WWOX: variants seen among roughly 807,000 people sequenced by gnomAD.
WWOX encodes the protein WW domain containing oxidoreductase, also known as WW domain-containing oxidoreductase.
A neutral mutation model predicts 46.2 loss-of-function variants in WWOX; 69 were observed. The observed-to-expected ratio is 1.49, with a 90% CI of 1.23 to 1.82. The LOEUF is 1.82. WWOX is among the 40% of genes most tolerant of loss of function. The probability of loss-of-function intolerance (pLI) is 0.00; values close to 1 mark genes in which losing one functional copy is unlikely to be tolerated. For synonymous variants in WWOX, 359 were observed against 202.6 expected (o/e 1.77, Z -6.56); for missense variants, 919 against 542.6 (o/e 1.69, Z -6.89).
chr16:79,026,522 A>G (rs1291780159), intron 8 of WWOX, among the ~76,000 whole-genome samples: 3 of 151,260 alleles, frequency 2.0e-5, no homozygotes, highest in Non-Finnish European at 2.9e-5. Flanking sequence ...TCTGCTCCAG[A>G]CAATGATCTC....
chr16:79,050,483 C>G (rs1042040056), intron 8 of WWOX, among the ~76,000 whole-genome samples: 1 of 152,222 alleles, frequency 6.6e-6, no homozygotes, highest in East Asian at 1.9e-4. Context: ...ATACCCATTC[C>G]TCTGTCACAC....
At position 78,929,491 on chromosome 16, in the gene WWOX, G is replaced by GA. The variant is rs1000376020; in HGVS notation, c.1057-282108dup. 1.4e-3 allele frequency among the ~76,000 whole-genome samples: 212 copies of GA among 150,630 alleles called. 1 individual carries two copies. The highest frequency in any genetic ancestry group is 3.1e-3 in the African/African-American group (126 of 41,108). On this transcript the variant is annotated intron_variant, in intron 8 of 8. Coordinates refer to ENST00000566780, the MANE Select transcript of WWOX (RefSeq NM_016373.4). ...AATCTATTTCCAATGCTAAGGAGAG[G>GA]AAAAAAAAATACTGGCACCGTATCC...
chr16:78,736,845 A>G lies in WWOX; in HGVS notation c.1056+304093A>G, dbSNP rs1013291066. Among the ~76,000 whole-genome samples the G allele has an allele frequency of 2.6e-5, 4 of 152,164 alleles. No individual in the cohort carries two copies. In the South Asian group the frequency reaches 8.3e-4, roughly 32 times the overall value. ...GCTGGTCTCAAACTCCTGGGCTCATACAATTCCCCTGCCTCAGAATCCCAA... is the reference window on the plus strand; with the variant it reads ...GCTGGTCTCAAACTCCTGGGCTCATGCAATTCCCCTGCCTCAGAATCCCAA... On this transcript the variant is annotated intron_variant, in intron 8 of 8. Transcript: ENST00000566780.
chr16:78,201,713 A>G (rs1443134429), intron 5 of WWOX, among the ~76,000 whole-genome samples: 2 of 143,954 alleles, frequency 1.4e-5, no homozygotes, highest in Non-Finnish European at 3.1e-5. Context: ...TTATTTATTT[A>G]TTGTTTGAGA....
intron 8 of WWOX, among the ~76,000 whole-genome samples, chr16:78,594,870 A>G (rs1434818011): frequency 1.3e-5 from 2 of 152,162 alleles, no homozygotes; most frequent in Non-Finnish European, 2.9e-5. Context: ...CTCATTGTTT[A>G]TTTAAATAGC....
At chr16:78,268,774 T>G (rs1301779030) in intron 5 of WWOX, among the ~76,000 whole-genome samples, 1 of 152,192 alleles carries the variant, frequency 6.6e-6, no homozygotes, top group Non-Finnish European at 1.5e-5. Flanking sequence ...CACATAAGCC[T>G]TCATGTTGTT....
chr16:78,656,819 G>C (rs8057865), intron 8 of WWOX, among the ~76,000 whole-genome samples: 32,784 of 152,010 alleles, frequency 0.22, 3,617 homozygotes, highest in Non-Finnish European at 0.22. Context: ...TGACACAGAA[G>C]ACTGGTGAGT....
At chr16:78,629,885 C>T (rs992878889) in intron 8 of WWOX, among the ~76,000 whole-genome samples, 2 of 152,138 alleles carry the variant, frequency 1.3e-5, no homozygotes, top group Non-Finnish European at 2.9e-5. Flanking sequence ...AGAAAATTAT[C>T]TAAGAAGTAG....
chr16:78,324,822 TG>T (rs1456746687), intron 5 of WWOX, among the ~76,000 whole-genome samples: 3 of 151,888 alleles, frequency 2.0e-5, no homozygotes, highest in African/African-American at 7.3e-5. Flanking sequence ...GAGGTGAAGG[TG>T]ATGAAAATGT....
intron 8 of WWOX, among the ~76,000 whole-genome samples, chr16:78,622,960 C>G (rs540076814): frequency 2.2e-4 from 34 of 152,168 alleles, no homozygotes; most frequent in African/African-American, 6.7e-4. Flanking sequence ...CTGCATTTGG[C>G]TTCTAGGAGC....
intron 8 of WWOX, among the ~76,000 whole-genome samples, chr16:78,457,862 G>C (rs1352624529): frequency 6.9e-6 from 1 of 145,860 alleles, no homozygotes; most frequent in African/African-American, 2.6e-5. Context: ...CTTTCAGTGA[G>C]CCAAGATCGC....
chr16:78,481,859 C>T (rs994365241), intron 8 of WWOX, among the ~76,000 whole-genome samples: 1 of 136,242 alleles, frequency 7.3e-6, no homozygotes, highest in African/African-American at 2.5e-5. Flanking sequence ...TTCTATTAAT[C>T]TTCTTGGGGC....
At chr16:78,907,971 G>A (rs1412889498) in intron 8 of WWOX, among the ~76,000 whole-genome samples, 2 of 152,178 alleles carry the variant, frequency 1.3e-5, no homozygotes, top group Non-Finnish European at 2.9e-5. Flanking sequence ...TCAGTGCACA[G>A]CTTTGCAGGC....
intron 8 of WWOX, among the ~76,000 whole-genome samples, chr16:78,614,764 CA>C (rs1348447625): frequency 2.7e-4 from 41 of 152,284 alleles, no homozygotes; most frequent in African/African-American, 9.6e-4. Context: ...GAAATATTGA[CA>C]GAGTTGTCTT....
intron 8 of WWOX, among the ~76,000 whole-genome samples, chr16:78,560,268 G>A (rs192374226): frequency 2.0e-3 from 308 of 152,308 alleles, no homozygotes; most frequent in African/African-American, 7.0e-3. Context: ...TTGCCTTTGA[G>A]TAAGATACGG....
At chr16:78,170,528 A>G (rs1009411989) in intron 5 of WWOX, among the ~76,000 whole-genome samples, 1 of 152,226 alleles carries the variant, frequency 6.6e-6, no homozygotes, top group Non-Finnish European at 1.5e-5. Context: ...GAGGAGCTCT[A>G]GGGCAGATGT....
At chr16:79,201,766 C>A (rs541955172) in intron 8 of WWOX, among the ~76,000 whole-genome samples, 3 of 149,980 alleles carry the variant, frequency 2.0e-5, no homozygotes, top group African/African-American at 7.4e-5. Context: ...TTTTTTCTTC[C>A]ATCCCTATTT....
intron 4 of WWOX, among the ~76,000 whole-genome samples, chr16:78,128,770 T>TATATA (rs1364685899): frequency 0.013 from 1,930 of 152,360 alleles, 41 homozygotes; most frequent in African/African-American, 0.044. Flanking sequence ...ACTTTTTGTA[T>TATATA]CTTGCAATAT....
At chr16:79,192,054 T>G (rs2051147116) in intron 8 of WWOX, among the ~76,000 whole-genome samples, 1 of 152,210 alleles carries the variant, frequency 6.6e-6, no homozygotes, top group African/African-American at 2.4e-5. Context: ...GACAATTTTC[T>G]TCTCCTCAAG....
Sources: allele counts gnomAD v4.1 joint callset (sites outside exome capture counted in the v4.1 genomes callset), GRCh38; gene constraint gnomAD v4.1.1; transcripts MANE v1.5; gene names NCBI Gene and HGNC (gene_info 2026-07-23, HGNC 2026-07-21).